NELL2: variants seen among roughly 807,000 people sequenced by gnomAD.
The protein encoded by NELL2 is neural EGFL like 2.
Under a neutral mutation model 109.6 loss-of-function variants are expected in NELL2, and 41 were observed. That is an observed-to-expected ratio of 0.37 (90% CI 0.29 to 0.49). The LOEUF is 0.49. NELL2 is among the 20% of genes least tolerant of loss of function. The probability of loss-of-function intolerance (pLI) is 0.98; values close to 1 mark genes in which losing one functional copy is unlikely to be tolerated. For missense variants in NELL2, 900 were observed against 1,008.3 expected, an observed-to-expected ratio of 0.89 and a Z score of 1.45; for synonymous variants, 355 against 344.7, an observed-to-expected ratio of 1.03 and a Z score of -0.33.
At chr12:44,682,651 C>T (rs1336713747) in intron 12 of NELL2, among the ~76,000 whole-genome samples, 5 of 152,134 alleles carry the variant, frequency 3.3e-5, no homozygotes, top group African/African-American at 1.2e-4. Flanking sequence ...ACCCAGTTTC[C>T]CCAGCACCAT....
At chr12:44,611,782 C>G (rs1945634504) in intron 13 of NELL2, among the ~76,000 whole-genome samples, 1 of 151,908 alleles carries the variant, frequency 6.6e-6, no homozygotes, top group East Asian at 1.9e-4. Context: ...CAAGTAACTT[C>G]AGAATTCTAG....
chr12:44,876,682 C>CGA (rs1945337472), upstream of NELL2: 2 of 1,550,786 alleles, frequency 1.3e-6, no homozygotes, highest in East Asian at 4.9e-5. Flanking sequence ...AAGGCTGGAG[C>CGA]GAGTAGCGCT....
intron 1 of NELL2, among the ~76,000 whole-genome samples, chr12:44,906,756 C>G (rs541456452): frequency 6.6e-6 from 1 of 152,030 alleles, no homozygotes; most frequent in Non-Finnish European, 1.5e-5. Context: ...ACATATTAAC[C>G]TTGGGATGAC....
chr12:44,841,844 T>C (rs1280513246), intron 2 of NELL2, among the ~76,000 whole-genome samples: 2 of 152,062 alleles, frequency 1.3e-5, no homozygotes, highest in African/African-American at 2.4e-5. Context: ...AGAAAGATCA[T>C]GCCTTAGGAG....
At chr12:44,726,099 T>C (rs1939066545) in intron 9 of NELL2, among the ~76,000 whole-genome samples, 1 of 152,132 alleles carries the variant, frequency 6.6e-6, no homozygotes, top group Admixed American at 6.6e-5. Flanking sequence ...AAAAAGTAAT[T>C]GACAAGAGAG....
chr12:44,556,810 T>C (rs1383973034), intron 15 of NELL2, among the ~76,000 whole-genome samples: 2 of 152,128 alleles, frequency 1.3e-5, no homozygotes, highest in African/African-American at 4.8e-5. Context: ...GTAAAGGAAT[T>C]CCAAACAAAG....
At chr12:44,833,976 T>A (rs1031794150) in intron 2 of NELL2, among the ~76,000 whole-genome samples, 5 of 152,226 alleles carry the variant, frequency 3.3e-5, no homozygotes, top group Non-Finnish European at 4.4e-5. Flanking sequence ...TAGTCTAAGT[T>A]ACGTATTTCT....
At position 44,520,056 on chromosome 12, in the gene NELL2, G is replaced by C. The variant is rs375454779; in HGVS notation, c.2349C>G (p.Thr783=). The change falls in exon 19 of 20, where the codon ACC becomes ACG. Residue 783 remains threonine, a synonymous_variant. Transcript: ENST00000429094. The stretch of plus-strand genomic sequence containing the variant: ...TGCCATGTTTGATCCAAGAGGACCC[G>C]GTGAAGCGAACCACATTCATTTCGT... The part of the protein sequence containing the change: ...CLDEMNVVRF[T]GSSWIKHGTE... 5 of 1,614,002 alleles carry C rather than the reference G, an allele frequency of 3.1e-6. No individual in the cohort carries two copies. The highest frequency in any genetic ancestry group is 4.2e-6 in the Non-Finnish European group (5 of 1,180,032).
intron 1 of NELL2, among the ~76,000 whole-genome samples, chr12:44,903,709 T>C (rs1203627458): frequency 6.6e-6 from 1 of 151,956 alleles, no homozygotes; most frequent in Non-Finnish European, 1.5e-5. Flanking sequence ...TATGCAGCCA[T>C]AAAAAAGAAC....
chr12:44,906,592 A>G (rs1945721890), intron 1 of NELL2, among the ~76,000 whole-genome samples: 2 of 152,026 alleles, frequency 1.3e-5, no homozygotes, highest in African/African-American at 4.8e-5. Flanking sequence ...TTACTGCCAG[A>G]CTGGAATTGA....
At chr12:44,850,325 T>C (rs950712478) in intron 2 of NELL2, among the ~76,000 whole-genome samples, 4 of 152,124 alleles carry the variant, frequency 2.6e-5, no homozygotes, top group African/African-American at 9.7e-5. Context: ...ATGATTTAAG[T>C]AGAAAAGGAA....
intron 14 of NELL2, 139 bp downstream of exon 14, chr12:44,610,709 T>A: frequency 2.6e-6 from 3 of 1,169,434 alleles, no homozygotes; most frequent in Non-Finnish European, 3.6e-6. Flanking sequence ...AGGGAAAGAC[T>A]ATGAGCCACA....
chr12:44,645,870 A>G (rs1194345754), intron 13 of NELL2, among the ~76,000 whole-genome samples: 1 of 152,114 alleles, frequency 6.6e-6, no homozygotes, highest in Non-Finnish European at 1.5e-5. Flanking sequence ...TTTATCCAGT[A>G]TATTATAGTA....
At chr12:44,553,177 C>T (rs1032584974) in intron 15 of NELL2, among the ~76,000 whole-genome samples, 3 of 148,522 alleles carry the variant, frequency 2.0e-5, no homozygotes, top group Non-Finnish European at 3.0e-5. Context: ...CTAGATGACA[C>T]GTTAGTGGGT....
At position 44,758,422 on chromosome 12, in the gene NELL2, A is replaced by G. The variant is rs1940983811; in HGVS notation, c.994+16325T>C. 2.0e-5 allele frequency among the ~76,000 whole-genome samples: 3 copies of G among 152,358 alleles called. No individual in the cohort carries two copies. In the South Asian group the frequency reaches 6.2e-4, roughly 32 times the overall value. On this transcript the variant is annotated intron_variant, in intron 9 of 19. Transcript: ENST00000429094. The stretch of plus-strand genomic sequence containing the variant: ...AATCCCCACTTCAAAATATAAAAAG[A>G]ATAAACTTGACACAATGAATAAAAG...
intron 9 of NELL2, among the ~76,000 whole-genome samples, chr12:44,739,861 G>A (rs1939855163): frequency 6.6e-6 from 1 of 152,132 alleles, no homozygotes; most frequent in African/African-American, 2.4e-5. Flanking sequence ...CTGCACTCCA[G>A]CATGGGTGAC....
At chr12:44,918,887 AT>A (rs1354524611), upstream of NELL2, among the ~76,000 whole-genome samples, 3 of 152,224 alleles carry the variant, frequency 2.0e-5, no homozygotes, top group Non-Finnish European at 4.4e-5. Context: ...CTGATTCCCA[AT>A]GTAGAGGCTA....
intron 9 of NELL2, among the ~76,000 whole-genome samples, chr12:44,716,540 T>G (rs1938495594): frequency 1.3e-5 from 2 of 152,174 alleles, no homozygotes; most frequent in African/African-American, 2.4e-5. Context: ...AAAATTTACC[T>G]CTCTGACATC....
intron 13 of NELL2, among the ~76,000 whole-genome samples, chr12:44,615,101 A>G (rs898466352): frequency 1.3e-5 from 2 of 152,114 alleles, no homozygotes; most frequent in African/African-American, 4.8e-5. Context: ...AAATGGATTC[A>G]TTATGAGAAA....
Sources: allele counts gnomAD v4.1 joint callset (sites outside exome capture counted in the v4.1 genomes callset), GRCh38; gene constraint gnomAD v4.1.1; transcripts MANE v1.5; gene names NCBI Gene and HGNC (gene_info 2026-07-23, HGNC 2026-07-21).